Variants in ROCK2 observed in about 807,000 individuals in gnomAD.
ROCK2 encodes Rho associated coiled-coil containing protein kinase 2.
Under a neutral mutation model 195.1 loss-of-function variants are expected in ROCK2, and 61 were observed. The ratio of observed to expected loss-of-function variants is 0.31; its 90% CI spans 0.25 to 0.39. The LOEUF is 0.39. ROCK2 is among the 10% of genes least tolerant of loss of function. The probability of loss-of-function intolerance (pLI) is 1.00; values close to 1 mark genes in which losing one functional copy is unlikely to be tolerated. For synonymous variants in ROCK2, 504 were observed against 545.5 expected (o/e 0.92, Z 1.06); for missense variants, 1,109 against 1,637.4 (o/e 0.68, Z 5.57).
At chr2:11,208,727 G>A (rs778509769) in intron 18 of ROCK2, among the ~76,000 whole-genome samples, 1 of 151,000 alleles carries the variant, frequency 6.6e-6, no homozygotes, top group Non-Finnish European at 1.5e-5. Context: ...GACATAACTC[G>A]GATTACAGGC....
intron 3 of ROCK2, among the ~76,000 whole-genome samples, chr2:11,254,426 G>C (rs1665944871): frequency 6.6e-6 from 1 of 152,160 alleles, no homozygotes; most frequent in Non-Finnish European, 1.5e-5. Flanking sequence ...CAGGACACTG[G>C]AAAGCAAGGA....
At chr2:11,290,668 C>T (rs1471795734) in intron 1 of ROCK2, among the ~76,000 whole-genome samples, 4 of 151,858 alleles carry the variant, frequency 2.6e-5, no homozygotes, top group African/African-American at 7.3e-5. Flanking sequence ...TGGGTACGTG[C>T]TAAAAGTCAC....
At chr2:11,304,748 C>T (rs1667802253) in intron 1 of ROCK2, among the ~76,000 whole-genome samples, 1 of 152,192 alleles carries the variant, frequency 6.6e-6, no homozygotes, top group Non-Finnish European at 1.5e-5. Context: ...GTCTCACTCA[C>T]TGTGCTTCTG....
intron 32 of ROCK2, among the ~76,000 whole-genome samples, chr2:11,186,108 C>T (rs1315153348): frequency 2.6e-5 from 4 of 152,176 alleles, no homozygotes; most frequent in Non-Finnish European, 5.9e-5. Context: ...ATAAACACAG[C>T]GACTCAAATT....
intron 32 of ROCK2, chr2:11,184,806 T>G (rs946612706): frequency 3.1e-6 from 3 of 961,866 alleles, no homozygotes; most frequent in Admixed American, 6.2e-5. Context: ...ACTCTAACAC[T>G]CTTTAGAAAC....
At chr2:11,274,200 C>T (rs953923734) in intron 3 of ROCK2, among the ~76,000 whole-genome samples, 1 of 151,094 alleles carries the variant, frequency 6.6e-6, no homozygotes. Context: ...ATTTAAGAAA[C>T]TAGAAAGAGA....
chr2:11,243,931 TA>T (rs1159881236), intron 4 of ROCK2, among the ~76,000 whole-genome samples: 1 of 152,248 alleles, frequency 6.6e-6, no homozygotes, highest in African/African-American at 2.4e-5. Context: ...TCAATTTTTC[TA>T]TAAATCTACA....
chr2:11,183,974 T>C (rs1663101105), intron 32 of ROCK2, among the ~76,000 whole-genome samples: 1 of 152,144 alleles, frequency 6.6e-6, no homozygotes, highest in Non-Finnish European at 1.5e-5. Context: ...CTTGCTTACT[T>C]AGACTAAAAC....
chr2:11,294,134 G>A (rs1667441070), intron 1 of ROCK2, among the ~76,000 whole-genome samples: 1 of 151,904 alleles, frequency 6.6e-6, no homozygotes, highest in Non-Finnish European at 1.5e-5. Context: ...TCCAGCCTGG[G>A]TGACAGAGTG....
intron 32 of ROCK2, among the ~76,000 whole-genome samples, chr2:11,190,008 A>G (rs1298586792): frequency 6.6e-6 from 1 of 152,060 alleles, no homozygotes. Context: ...AATAATAATA[A>G]TAATAATAAA....
chr2:11,201,443 A>T lies in ROCK2; in HGVS notation c.2620-30T>A. ...ATAGCAAAATACAACAGAAATGCGT[A>T]TCATCATCAGAAATATTACTTCTAC... On this transcript the variant is annotated intron_variant, in intron 21 of 32. Coordinates refer to ENST00000315872, the MANE Select transcript of ROCK2 (RefSeq NM_004850.5). The surrounding 1 kb of genome is among the most constrained non-coding windows in gnomAD (Gnocchi z 4.6). 8.8e-7 allele frequency: 1 copy of T among 1,130,430 alleles called. No homozygotes were observed. The highest frequency in any genetic ancestry group is 1.3e-6 in the Non-Finnish European group (1 of 744,254). 70.0% of individuals were successfully genotyped at this position (1,130,430 alleles called of 1,614,324 possible).
Position 11,211,698 on chromosome 2 carries a change from T to G in ROCK2, c.2186A>C (p.Lys729Thr), listed in dbSNP as rs749156202. ...ATGCATACCTTTCATGGCTTCTGAT[T>G]TGGCTTCTTCGATGGACTCATAGAT... is the stretch of plus-strand genomic sequence containing the variant. ...NKIYESIEEA[K>T]SEAMKEMEKK... The change falls in exon 18 of 33, where the codon AAA becomes ACA. Residue 729 changes from lysine (K) to threonine (T), a missense_variant. By Grantham distance (78) the Lys-to-Thr change is moderately conservative (BLOSUM62 -1). Coordinates refer to ENST00000315872, the MANE Select transcript of ROCK2 (RefSeq NM_004850.5). 1.2e-6 allele frequency: 2 copies of G among 1,605,496 alleles called. No homozygotes were observed. The highest frequency in any genetic ancestry group is 2.2e-5 in the South Asian group (2 of 89,400).
At chr2:11,240,144 G>A (rs1046160684) in intron 4 of ROCK2, among the ~76,000 whole-genome samples, 10 of 152,250 alleles carry the variant, frequency 6.6e-5, no homozygotes, top group East Asian at 1.9e-4. Context: ...ATCACTGGCC[G>A]AATGATTAAA....
chr2:11,281,300 T>A (rs10168528), intron 3 of ROCK2, among the ~76,000 whole-genome samples: 217 of 151,864 alleles, frequency 1.4e-3, no homozygotes, highest in African/African-American at 5.0e-3. Flanking sequence ...TCACTTCATG[T>A]TTACTGGTAA....
chr2:11,268,069 G>A (rs758917914), intron 3 of ROCK2, among the ~76,000 whole-genome samples: 11 of 151,946 alleles, frequency 7.2e-5, no homozygotes, highest in Non-Finnish European at 8.8e-5. Context: ...CAGTGCTTCC[G>A]GGATCCAAAA....
At chr2:11,270,128 G>A in intron 3 of ROCK2, among the ~76,000 whole-genome samples, 1 of 11,258 alleles carries the variant, frequency 8.9e-5, no homozygotes, top group African/African-American at 1.3e-4. Context: ...TTTTTTATTC[G>A]CAATTTTGCT....
At position 11,215,636 on chromosome 2, in the gene ROCK2, G is replaced by A; in HGVS notation, c.1471C>T (p.Arg491Trp). The change falls in exon 14 of 33, where the codon CGG becomes TGG. Residue 491 changes from arginine to tryptophan, a missense_variant. Physicochemically the swap from Arg to Trp is moderately radical, Grantham distance 101. Coordinates refer to ENST00000315872, the MANE Select transcript of ROCK2 (RefSeq NM_004850.5). ...AKELEEEITL[R>W]KSVESALRQL... ...CTTAATGCTGATTCCACACTTTTCC[G>A]TAAGGTAATCTGAAATAATGCTTAA... The A allele has an allele frequency of 6.3e-7, 1 of 1,598,968 alleles. No homozygotes were observed. The highest frequency in any genetic ancestry group is 8.5e-7 in the Non-Finnish European group (1 of 1,175,372).
In ROCK2 at chr2:11,195,133, T is replaced by G. The variant is rs945904951; in HGVS notation, c.3449-108A>C. 4 of 574,280 alleles carry G rather than the reference T, an allele frequency of 7.0e-6. No homozygotes were observed. In the Admixed American group the frequency reaches 1.1e-4, roughly 15 times the overall value. 35.6% of individuals were successfully genotyped at this position (574,280 alleles called of 1,614,324 possible). On this transcript the variant is annotated intron_variant, in intron 27 of 32. Coordinates refer to ENST00000315872, the MANE Select transcript of ROCK2 (RefSeq NM_004850.5). ...TTTATAAAACAAATAAAATATATCCTTTAGAATTTATCACTATACATCATC... is the reference window on the plus strand; with the variant it reads ...TTTATAAAACAAATAAAATATATCCGTTAGAATTTATCACTATACATCATC...
chr2:11,196,552 T>C (rs72785480), intron 27 of ROCK2, among the ~76,000 whole-genome samples: 6,464 of 152,330 alleles, frequency 0.042, 278 homozygotes, highest in Non-Finnish European at 0.06. Flanking sequence ...TGCAGCAGTT[T>C]ATTTTTAACT....
Sources: gnomAD v4.1 joint callset for allele counts (sites outside exome capture counted in the v4.1 genomes callset) on GRCh38, gnomAD v4.1.1 for gene constraint, Gnocchi (gnomAD v3.1) non-coding constraint, MANE v1.5 for transcripts, NCBI Gene and HGNC (gene_info 2026-07-23, HGNC 2026-07-21) for gene names.